The following MYEOV variants were observed in gnomAD, a reference collection of about 807,000 sequenced individuals.
MYEOV encodes the protein myeloma overexpressed, also known as myeloma-overexpressed gene protein.
A neutral mutation model predicts 4.5 loss-of-function variants in MYEOV; 4 were observed. That is an observed-to-expected ratio of 0.89 (90% CI 0.44 to 2.03). The LOEUF is 2.03. Among genes scored for constraint, MYEOV ranks in the 30% most tolerant of loss-of-function variants. The pLI is 0.03. For missense variants in MYEOV, 408 were observed against 412.8 expected (o/e 0.99, Z 0.10); for synonymous variants, 184 against 170.3 (o/e 1.08, Z -0.63).
Position 69,295,291 on chromosome 11 carries a change from C to CGTTAGA in MYEOV, c.-63_-62insTTAGAG. 1 of 1,537,962 alleles carries CGTTAGA rather than the reference C, an allele frequency of 6.5e-7. No homozygotes were observed. The highest frequency in any genetic ancestry group is 1.4e-5 in the African/African-American group (1 of 72,910). On this transcript the variant is annotated 5_prime_UTR_variant, in exon 2 of 3. It introduces an in-frame stop codon into an upstream open reading frame of the 5' UTR. Coordinates refer to ENST00000441339, the MANE Select transcript of MYEOV (RefSeq NM_001293291.2). This position sits in a 1 kb window ranked among gnomAD's most constrained non-coding sequence, Gnocchi z 4.1. ...CCCTAAATCCAGCCACGTCATGCCA[C>CGTTAGA]GCTTAACACCTCTAACAACTTCCCC...
Position 69,296,517 on chromosome 11 carries a change from C to A in MYEOV, c.*125C>A. On this transcript the variant is annotated 3_prime_UTR_variant, in exon 3 of 3. Coordinates refer to ENST00000441339, the MANE Select transcript of MYEOV (RefSeq NM_001293291.2). ...GAAACTGAGGCCTAGAGAAGCTCAA[C>A]AAGTTGCCTAAGTTCCAAGTTTCCT... The A allele has an allele frequency of 1.6e-6, 1 of 629,004 alleles. No homozygotes were observed. The highest frequency in any genetic ancestry group is 2.9e-5 in the South Asian group (1 of 34,230). The allele number at this position is 629,004 out of a possible 1,614,324, so 39.0% of individuals were successfully genotyped here.
In MYEOV at chr11:69,296,362, C is replaced by G; in HGVS notation, c.912C>G (p.Leu304=). Reference sequence around the variant, plus strand: ...CTCTCCTCCTCCACCACCTCCTCCTCCTCCTCCTCATCATCATCCTCACTT... The same window carrying G: ...CTCTCCTCCTCCACCACCTCCTCCTGCTCCTCCTCATCATCATCCTCACTT... ...ASPLLLHHLL[L]LLLIIILTC The change falls in exon 3 of 3, where the codon CTC becomes CTG. Residue 304 remains leucine, a synonymous_variant. Coordinates refer to ENST00000441339, the MANE Select transcript of MYEOV (RefSeq NM_001293291.2). 1 of 1,480,284 alleles carries G rather than the reference C, an allele frequency of 6.8e-7. No homozygotes were observed. The highest frequency in any genetic ancestry group is 9.0e-7 in the Non-Finnish European group (1 of 1,114,128). 91.7% of individuals were successfully genotyped at this position (1,480,284 alleles called of 1,614,324 possible).
rs747792299 is a variant in MYEOV, at chr11:69,295,421, C to T, written c.67C>T (p.Leu23Phe). 1 of 1,614,012 alleles carries T rather than the reference C, an allele frequency of 6.2e-7. No individual in the cohort carries two copies. The highest frequency in any genetic ancestry group is 8.5e-7 in the Non-Finnish European group (1 of 1,179,868). The change falls in exon 2 of 3, where the codon CTC becomes TTC. Residue 23 changes from leucine to phenylalanine, a missense_variant. Leu to Phe is a conservative substitution (Grantham distance 22). Transcript: ENST00000441339. The surrounding 1 kb of genome is among the most constrained non-coding windows in gnomAD (Gnocchi z 4.1). ...LPIGLCTRCCLCLEQSPSWCH... is the reference protein window; with the variant it reads ...LPIGLCTRCCFCLEQSPSWCH... ...GATAGGTCTCTGCACTCGCTGTTGC[C>T]TCTGCCTGGAACAGTCTCCCTCCTG...
chr11:69,294,607 G>A (rs1855126813), intron 1 of MYEOV, 31 bp downstream of exon 1: 1 of 152,542 alleles, frequency 6.6e-6, no homozygotes, highest in African/African-American at 2.4e-5. Context: ...TATGTTTTAA[G>A]GAAAGCCCTG....
rs773024572 is a variant in MYEOV, at chr11:69,295,359, C to A, written c.5C>A (p.Ala2Asp). 1.2e-6 allele frequency: 2 copies of A among 1,601,340 alleles called. No homozygotes were observed. Among genetic ancestry groups the A allele is most frequent in the African/African-American group, 2.7e-5 (2 of 74,492 alleles). ...TCTGGCTCCTTCCCTCGGCTCATGG[C>A]CCTCAGAATCTGCGTCACATACACC... M[A>D]LRICVTYTPA... Residue 2 changes from alanine (A) to aspartate (D), a missense_variant, in exon 2 of 3, where the codon GCC (alanine) becomes GAC (aspartate). Physicochemically the swap from Ala to Asp is moderately radical, Grantham distance 126. Transcript: ENST00000441339. The surrounding 1 kb of genome is among the most constrained non-coding windows in gnomAD (Gnocchi z 4.1).
At position 69,296,283 on chromosome 11, in the gene MYEOV, G is replaced by A. The variant is rs1855196515; in HGVS notation, c.833G>A (p.Arg278Lys). ...ALGGWRMGVRRTGQVGPTMHP... is the reference protein window; with the variant it reads ...ALGGWRMGVRKTGQVGPTMHP... ...GGGGGGTGGCGCATGGGAGTTAGGAGGACTGGCCAGGTGGGGCCCACTATG... is the reference window on the plus strand; with the variant it reads ...GGGGGGTGGCGCATGGGAGTTAGGAAGACTGGCCAGGTGGGGCCCACTATG... Residue 278 changes from arginine (R) to lysine (K), a missense_variant, in exon 3 of 3, where the codon AGG becomes AAG. Transcript: ENST00000441339. The A allele has an allele frequency of 6.4e-7, 1 of 1,564,724 alleles. No individual in the cohort carries two copies.
rs1335205565 is a variant in MYEOV, at chr11:69,295,770, A to C, written c.320A>C (p.Glu107Ala). 1 of 1,613,998 alleles carries C rather than the reference A, an allele frequency of 6.2e-7. No individual in the cohort carries two copies. The highest frequency in any genetic ancestry group is 1.7e-5 in the Admixed American group (1 of 60,014). Residue 107 changes from glutamate to alanine, a missense_variant, in exon 3 of 3, where the codon GAG becomes GCG. By Grantham distance (107) the Glu-to-Ala change is moderately radical. Transcript: ENST00000441339. This position sits in a 1 kb window ranked among gnomAD's most constrained non-coding sequence, Gnocchi z 4.1. ...LWFAAGAGDR[E>A]RNKGDKGAQT... ...TTTGCTGCTGGAGCTGGTGACCGGG[A>C]GAGAAACAAGGGAGACAAGGGTGCC...
At position 69,295,322 on chromosome 11, in the gene MYEOV, C is replaced by A. The variant is rs1403241477; in HGVS notation, c.-33C>A. On this transcript the variant is annotated 5_prime_UTR_variant, in exon 2 of 3. Coordinates refer to ENST00000441339, the MANE Select transcript of MYEOV (RefSeq NM_001293291.2). This position sits in a 1 kb window ranked among gnomAD's most constrained non-coding sequence, Gnocchi z 4.1. ...ACACCTCTAACAACTTCCCCTGGCACTTAGGACAGCGTCTGGCTCCTTCCC... is the reference window on the plus strand; with the variant it reads ...ACACCTCTAACAACTTCCCCTGGCAATTAGGACAGCGTCTGGCTCCTTCCC... The A allele has an allele frequency of 1.3e-6, 2 of 1,563,786 alleles. No homozygotes were observed. The highest frequency in any genetic ancestry group is 1.7e-6 in the Non-Finnish European group (2 of 1,153,480).
intron 1 of MYEOV, among the ~76,000 whole-genome samples, chr11:69,294,894 C>T (rs1433975198): frequency 6.6e-6 from 1 of 152,256 alleles, no homozygotes; most frequent in Non-Finnish European, 1.5e-5. Context: ...CTACCCACGA[C>T]AGCCCAGCTG....
rs754376868 is a variant in MYEOV, at chr11:69,296,176, C to T, written c.726C>T (p.His242=). 2 of 1,613,858 alleles carry T rather than the reference C, an allele frequency of 1.2e-6. No individual in the cohort carries two copies. Among genetic ancestry groups the T allele is most frequent in the Admixed American group, 3.3e-5 (2 of 60,010 alleles). ...GAGCATGCCTGACCCTCCACCGGCACCCCACCCCTCACTGCTCCACCTGGG... is the reference window on the plus strand; with the variant it reads ...GAGCATGCCTGACCCTCCACCGGCATCCCACCCCTCACTGCTCCACCTGGG... ...GRRACLTLHR[H]PTPHCSTWGL... The change falls in exon 3 of 3, where the codon CAC becomes CAT. Residue 242 remains histidine, a synonymous_variant. Coordinates refer to ENST00000441339, the MANE Select transcript of MYEOV (RefSeq NM_001293291.2).
In MYEOV at chr11:69,296,361, T is replaced by C. The variant is rs1264891816; in HGVS notation, c.911T>C (p.Leu304Pro). Residue 304 changes from leucine (L) to proline (P), a missense_variant, in exon 3 of 3, where the codon CTC becomes CCC. Leu to Pro is a moderately conservative substitution (Grantham distance 98). Transcript: ENST00000441339. Reference sequence around the variant, plus strand: ...CCTCTCCTCCTCCACCACCTCCTCCTCCTCCTCCTCATCATCATCCTCACT... The same window carrying C: ...CCTCTCCTCCTCCACCACCTCCTCCCCCTCCTCCTCATCATCATCCTCACT... ...ASPLLLHHLLLLLLIIILTC is the reference protein window; with the variant it reads ...ASPLLLHHLLPLLLIIILTC 6.8e-7 allele frequency: 1 copy of C among 1,479,886 alleles called. No homozygotes were observed. The highest frequency in any genetic ancestry group is 9.0e-7 in the Non-Finnish European group (1 of 1,113,926). 91.7% of individuals were successfully genotyped at this position (1,479,886 alleles called of 1,614,324 possible). A position where few individuals can be genotyped will look rare whatever the true frequency, so the allele number is the denominator to read the frequency against.
Position 69,296,354 on chromosome 11 carries a change from C to T in MYEOV, c.904C>T (p.Leu302Phe). The change falls in exon 3 of 3, where the codon CTC (leucine) becomes TTC (phenylalanine). Residue 302 changes from leucine to phenylalanine, a missense_variant. By Grantham distance (22) the Leu-to-Phe change is conservative. Transcript: ENST00000441339. ...TGCTTCTCCTCTCCTCCTCCACCAC[C>T]TCCTCCTCCTCCTCCTCATCATCAT... ...SGASPLLLHHLLLLLLIIILT... is the reference protein window; with the variant it reads ...SGASPLLLHHFLLLLLIIILT... 1 of 1,469,910 alleles carries T rather than the reference C, an allele frequency of 6.8e-7. No homozygotes were observed. Among genetic ancestry groups the T allele is most frequent in the South Asian group, 1.4e-5 (1 of 70,092 alleles). 91.1% of individuals were successfully genotyped at this position (1,469,910 alleles called of 1,614,324 possible).
chr11:69,297,215 G>A lies in MYEOV; in HGVS notation c.*823G>A, dbSNP rs1171728889. 1 of 152,198 alleles carries A rather than the reference G, an allele frequency of 6.6e-6. No individual in the cohort carries two copies. The highest frequency in any genetic ancestry group is 2.4e-5 in the African/African-American group (1 of 41,440). 9.4% of individuals were successfully genotyped at this position (152,198 alleles called of 1,614,324 possible). On this transcript the variant is annotated 3_prime_UTR_variant, in exon 3 of 3. Transcript: ENST00000441339. ...CTTTGGGCTCTGTCTCCTCCCTGCTGTGCTTCCTGAGGAGCAGGCCGGATG... is the reference window on the plus strand; with the variant it reads ...CTTTGGGCTCTGTCTCCTCCCTGCTATGCTTCCTGAGGAGCAGGCCGGATG...
In MYEOV at chr11:69,296,609, C is replaced by T. The variant is rs1590822202; in HGVS notation, c.*217C>T. Reference sequence around the variant, plus strand: ...CCATTCTTCCCTGCCTCTTCCCTAACTAGACAATTTTTTATTGAGTGTCTC... The same window carrying T: ...CCATTCTTCCCTGCCTCTTCCCTAATTAGACAATTTTTTATTGAGTGTCTC... On this transcript the variant is annotated 3_prime_UTR_variant, in exon 3 of 3. Transcript: ENST00000441339. 2 of 438,342 alleles carry T rather than the reference C, an allele frequency of 4.6e-6. No individual in the cohort carries two copies. Among genetic ancestry groups the T allele is most frequent in the Non-Finnish European group, 8.0e-6 (2 of 249,038 alleles). The allele number at this position is 438,342 out of a possible 1,614,324, so 27.2% of individuals were successfully genotyped here. A position where few individuals can be genotyped will look rare whatever the true frequency, so the allele number is the denominator to read the frequency against.
chr11:69,295,571 C>A lies in MYEOV; in HGVS notation c.142-21C>A. 1 of 1,611,874 alleles carries A rather than the reference C, an allele frequency of 6.2e-7. No individual in the cohort carries two copies. Among genetic ancestry groups the A allele is most frequent in the Non-Finnish European group, 8.5e-7 (1 of 1,178,710 alleles). Reference sequence around the variant, plus strand: ...GCCACCTGCTGATGTCTGATTTATTCATCGGTTTTCTTGTCTGTAGTCTGT... The same window carrying A: ...GCCACCTGCTGATGTCTGATTTATTAATCGGTTTTCTTGTCTGTAGTCTGT... On this transcript the variant is annotated intron_variant, in intron 2 of 2. Coordinates refer to ENST00000441339, the MANE Select transcript of MYEOV (RefSeq NM_001293291.2). This position sits in a 1 kb window ranked among gnomAD's most constrained non-coding sequence, Gnocchi z 4.1.
chr11:69,296,075 G>A lies in MYEOV; in HGVS notation c.625G>A (p.Gly209Arg). The A allele has an allele frequency of 6.2e-7, 1 of 1,614,166 alleles. No homozygotes were observed. Among genetic ancestry groups the A allele is most frequent in the South Asian group, 1.1e-5 (1 of 91,070 alleles). The change falls in exon 3 of 3, where the codon GGA becomes AGA. Residue 209 changes from glycine (G) to arginine (R), a missense_variant. By Grantham distance (125) the Gly-to-Arg change is moderately radical. Transcript: ENST00000441339. Reference protein sequence around the residue: ...MDVALRSPGRGLLAGAGALCM... With the variant: ...MDVALRSPGRRLLAGAGALCM... ...TGTGGCTCTGCGCTCACCTGGGCGA[G>A]GACTTCTGGCCGGTGCCGGGGCACT...
chr11:69,295,818 A>G lies in MYEOV; in HGVS notation c.368A>G (p.Gln123Arg), dbSNP rs760180251. Residue 123 changes from glutamine (Q) to arginine (R), a missense_variant, in exon 3 of 3, where the codon CAG becomes CGG. Transcript: ENST00000441339. This position sits in a 1 kb window ranked among gnomAD's most constrained non-coding sequence, Gnocchi z 4.1. Reference sequence around the variant, plus strand: ...GCCCAGACAGGTGCGGGGCTCAGCCAGGAGGCAGAAGACGTGGACGTGTCC... The same window carrying G: ...GCCCAGACAGGTGCGGGGCTCAGCCGGGAGGCAGAAGACGTGGACGTGTCC... Reference protein sequence around the residue: ...KGAQTGAGLSQEAEDVDVSRA... With the variant: ...KGAQTGAGLSREAEDVDVSRA... 2 of 1,614,206 alleles carry G rather than the reference A, an allele frequency of 1.2e-6. No individual in the cohort carries two copies. Among genetic ancestry groups the G allele is most frequent in the Non-Finnish European group, 1.7e-6 (2 of 1,180,034 alleles).
chr11:69,296,004 A>G lies in MYEOV; in HGVS notation c.554A>G (p.His185Arg). Residue 185 changes from histidine to arginine, a missense_variant, in exon 3 of 3, where the codon CAT becomes CGT. Physicochemically the swap from His to Arg is conservative, Grantham distance 29 (BLOSUM62 0). Coordinates refer to ENST00000441339, the MANE Select transcript of MYEOV (RefSeq NM_001293291.2). ...QAISSCPEEV[H>R]GRHGLSMEIM... Reference sequence around the variant, plus strand: ...ATTAGCTCGTGCCCTGAGGAGGTGCATGGGCGGCATGGGCTCTCCATGGAA... The same window carrying G: ...ATTAGCTCGTGCCCTGAGGAGGTGCGTGGGCGGCATGGGCTCTCCATGGAA... 1.2e-6 allele frequency: 2 copies of G among 1,614,092 alleles called. No individual in the cohort carries two copies. Among genetic ancestry groups the G allele is most frequent in the East Asian group, 4.5e-5 (2 of 44,868 alleles).
In MYEOV at chr11:69,294,563, T is replaced by A. The variant is rs1273970730; in HGVS notation, c.-136T>A. ...CTGGAGTGAGGTGGCCGGTTCTTGG[T>A]GGGATCTGAGCAGGTAAGAAGCAGG... On this transcript the variant is annotated 5_prime_UTR_variant, in exon 1 of 3. Transcript: ENST00000441339. 6.6e-6 allele frequency: 1 copy of A among 152,338 alleles called. No homozygotes were observed. The highest frequency in any genetic ancestry group is 1.5e-5 in the Non-Finnish European group (1 of 68,162). 9.4% of individuals were successfully genotyped at this position (152,338 alleles called of 1,614,324 possible).
Sources: allele counts gnomAD v4.1 joint callset (sites outside exome capture counted in the v4.1 genomes callset), GRCh38; gene constraint gnomAD v4.1.1; non-coding constraint Gnocchi (gnomAD v3.1); transcripts MANE v1.5; gene names NCBI Gene and HGNC (gene_info 2026-07-23, HGNC 2026-07-21).